The following ECPAS variants were observed in gnomAD, a reference collection of about 807,000 sequenced individuals.
ECPAS encodes the protein Ecm29 proteasome adaptor and scaffold.
A neutral mutation model predicts 255.1 loss-of-function variants in ECPAS; 70 were observed. The observed-to-expected ratio is 0.27, with a 90% CI of 0.23 to 0.33. The LOEUF is 0.33. ECPAS is among the 10% of genes least tolerant of loss of function. ECPAS has a pLI of 1.00. For synonymous variants in ECPAS, 784 were observed against 775.0 expected (o/e 1.01, Z -0.19); for missense variants, 1,817 against 2,206.4 (o/e 0.82, Z 3.54).
In ECPAS at chr9:111,484,142, C is replaced by G. The variant is rs1000991830; in HGVS notation, c.-109G>C. The G allele has an allele frequency of 8.9e-6, 13 of 1,464,096 alleles. No homozygotes were observed. The highest frequency in any genetic ancestry group is 1.2e-5 in the Non-Finnish European group (13 of 1,110,864). The allele number at this position is 1,464,096 out of a possible 1,614,324, so 90.7% of individuals were successfully genotyped here. On this transcript the variant is annotated 5_prime_UTR_variant, in exon 1 of 50. Coordinates refer to ENST00000684092, the MANE Select transcript of ECPAS (RefSeq NM_001364929.1). Reference sequence around the variant, plus strand: ...TGAGTCGGAGCCGGTCTCCATGCCGCGGACGCTGCGCTCGGCGCCGCGAGG... The same window carrying G: ...TGAGTCGGAGCCGGTCTCCATGCCGGGGACGCTGCGCTCGGCGCCGCGAGG...
chr9:111,397,345 TGAA>T (rs1476216878), intron 24 of ECPAS, among the ~76,000 whole-genome samples, 192 bp from the exon 25 acceptor site: 1 of 152,188 alleles, frequency 6.6e-6, no homozygotes, highest in Non-Finnish European at 1.5e-5. Context: ...AAGAATCCCT[TGAA>T]GATATTTTTC....
chr9:111,380,128 C>A (rs1398250500), intron 35 of ECPAS, among the ~76,000 whole-genome samples: 1 of 152,242 alleles, frequency 6.6e-6, no homozygotes, highest in Non-Finnish European at 1.5e-5. Context: ...ACAAAATATA[C>A]TTCTTGAATA....
intron 29 of ECPAS, among the ~76,000 whole-genome samples, chr9:111,391,304 AC>A (rs1165052530): frequency 1.3e-5 from 2 of 152,182 alleles, no homozygotes; most frequent in African/African-American, 2.4e-5. Flanking sequence ...CCTGCCAGGC[AC>A]AGTGGCTCAC....
Position 111,433,357 on chromosome 9 carries a change from C to T in ECPAS, c.724G>A (p.Val242Met), listed in dbSNP as rs1325319496. 5 of 1,613,860 alleles carry T rather than the reference C, an allele frequency of 3.1e-6. No individual in the cohort carries two copies. The highest frequency in any genetic ancestry group is 2.2e-5 in the East Asian group (1 of 44,874). ...ACCTGTTCAGCTTCTATGAATTTCA[C>T]GATTCCCAATTTGCACTGTAGATAA... ...EQLEQCKLGI[V>M]KFIEAEQVPE... The change falls in exon 8 of 50, where the codon GTG becomes ATG. Residue 242 changes from valine (V) to methionine (M), a missense_variant. By Grantham distance (21) the Val-to-Met change is conservative. This residue lies in a region of ECPAS where 573 missense variants were observed against 716.2 expected (regional missense o/e 0.80). Coordinates refer to ENST00000684092, the MANE Select transcript of ECPAS (RefSeq NM_001364929.1).
chr9:111,384,445 T>C, intron 34 of ECPAS, 77 bp downstream of exon 34: 1 of 1,303,650 alleles, frequency 7.7e-7, no homozygotes, highest in Non-Finnish European at 1.1e-6. Context: ...TCTTTTCCTA[T>C]GACAGTAAGT....
intron 36 of ECPAS, among the ~76,000 whole-genome samples, chr9:111,376,911 G>A (rs551246994): frequency 3.3e-5 from 5 of 152,176 alleles, no homozygotes; most frequent in Non-Finnish European, 7.4e-5. Context: ...AATTTTATAC[G>A]TGCAGTTCTT....
chr9:111,429,170 C>T (rs1259583934), intron 9 of ECPAS, among the ~76,000 whole-genome samples: 1 of 151,984 alleles, frequency 6.6e-6, no homozygotes, highest in Non-Finnish European at 1.5e-5. Context: ...ATACCCATCT[C>T]GGTAGCTATA....
intron 21 of ECPAS, 160 bp downstream of exon 21, chr9:111,411,854 C>A: frequency 3.4e-6 from 2 of 595,836 alleles, no homozygotes; most frequent in South Asian, 5.4e-5. Context: ...AGTGAGCTGA[C>A]TGAACCAATG....
At chr9:111,476,376 G>C (rs1325895200) in intron 1 of ECPAS, among the ~76,000 whole-genome samples, 1 of 152,022 alleles carries the variant, frequency 6.6e-6, no homozygotes, top group Non-Finnish European at 1.5e-5. Flanking sequence ...AGAAAAACTA[G>C]CCACATGTCT....
At chr9:111,471,252 G>A (rs1319260180) in intron 2 of ECPAS, among the ~76,000 whole-genome samples, 2 of 152,154 alleles carry the variant, frequency 1.3e-5, no homozygotes, top group African/African-American at 2.4e-5. Flanking sequence ...AAGAATCTAG[G>A]AGAGAAGAAA....
At chr9:111,410,747 G>C (rs2098192760) in intron 22 of ECPAS, among the ~76,000 whole-genome samples, 1 of 151,970 alleles carries the variant, frequency 6.6e-6, no homozygotes, top group South Asian at 2.1e-4. Context: ...TCAAACTCTT[G>C]GACTCAAGTC....
chr9:111,397,067 G>C lies in ECPAS; in HGVS notation c.2739C>G (p.Ala913=), dbSNP rs543257090. 2.8e-5 allele frequency: 45 copies of C among 1,613,946 alleles called. No individual in the cohort carries two copies. In the East Asian group the frequency reaches 9.1e-4, roughly 33 times the overall value. ...TATATTCCTCTTCAGTCATTTGCCA[G>C]GCATCTCGGGCAGCCACAGAACTAG... ...IGTSSVAARD[A]WQMTEEEYTP... The change falls in exon 25 of 50, where the codon GCC becomes GCG. Residue 913 remains alanine (A), a synonymous_variant. Coordinates refer to ENST00000684092, the MANE Select transcript of ECPAS (RefSeq NM_001364929.1).
chr9:111,410,308 A>T, intron 22 of ECPAS, 95 bp from the exon 23 acceptor site: 1 of 1,017,280 alleles, frequency 9.8e-7, no homozygotes, highest in Non-Finnish European at 1.4e-6. Context: ...TTAAGACGGC[A>T]AAATAAAATC....
rs545860799 is a variant in ECPAS, at chr9:111,368,034, C to CAAAAA, written c.5113+996_5113+1000dup. On this transcript the variant is annotated intron_variant, in intron 46 of 49. Coordinates refer to ENST00000684092, the MANE Select transcript of ECPAS (RefSeq NM_001364929.1). ...TGGGCAACAAAGCAAGACCCTGTCTCAAAAAAAAAACAAACAAAAAAAAAA... is the reference window on the plus strand; with the variant it reads ...TGGGCAACAAAGCAAGACCCTGTCTCAAAAAAAAAAAAAAACAAACAAAAAAAAAA... Among the ~76,000 whole-genome samples, 1,716 of 126,434 alleles carry CAAAAA rather than the reference C, an allele frequency of 0.014. 56 individuals carry two copies. In the East Asian group the frequency reaches 0.14, roughly 10 times the overall value. 82.9% of individuals were successfully genotyped at this position (126,434 alleles called of 152,430 possible).
rs763612141 is a variant in ECPAS at position 111,422,198 on chromosome 9, C to T, written c.1268G>A (p.Arg423Gln). ...AYSAVGKLSSRMPHLFTKDIA... is the reference protein window; with the variant it reads ...AYSAVGKLSSQMPHLFTKDIA... ...ATCCTTAGTGAATAAATGTGGCATC[C>T]GACTGCAAAAGAATGTAAAAATATT... Residue 423 changes from arginine to glutamine, a missense_variant and splice_region_variant, in exon 14 of 50, where the codon CGG becomes CAG. Transcript: ENST00000684092. 3.1e-6 allele frequency: 5 copies of T among 1,612,594 alleles called. No homozygotes were observed. The highest frequency in any genetic ancestry group is 4.5e-5 in the East Asian group (2 of 44,838).
rs1479054301 is a variant in ECPAS, at chr9:111,391,773, A to G, written c.3144T>C (p.Leu1048=). Residue 1048 remains leucine, a synonymous_variant, in exon 29 of 50, where the codon CTT becomes CTC. Transcript: ENST00000684092. The part of the protein sequence containing the change: ...GETVVFQGGA[L]GKTPDGQGLS... ...ATACTTACCCATCTGGTGTTTTGCC[A>G]AGAGCTCCCCCTTGAAATACCACTG... 12 of 1,608,168 alleles carry G rather than the reference A, an allele frequency of 7.5e-6. No homozygotes were observed. In the African/African-American group the frequency reaches 1.5e-4, roughly 20 times the overall value.
chr9:111,430,502 A>C (rs1168898996), intron 9 of ECPAS, 45 bp downstream of exon 9: 7 of 1,217,478 alleles, frequency 5.7e-6, no homozygotes. Context: ...TCATGTCAAC[A>C]AACTACTTTT....
At chr9:111,417,057 T>G (rs1399249372) in intron 17 of ECPAS, among the ~76,000 whole-genome samples, 1 of 151,960 alleles carries the variant, frequency 6.6e-6, no homozygotes, top group Non-Finnish European at 1.5e-5. Flanking sequence ...GTGGGCAATA[T>G]AGCAAAACTC....
chr9:111,458,615 G>A (rs2098269668), intron 2 of ECPAS, among the ~76,000 whole-genome samples: 2 of 151,910 alleles, frequency 1.3e-5, no homozygotes, highest in Admixed American at 6.6e-5. Context: ...TAGGGGAGGT[G>A]GACAAGGGGA....
Sources: allele counts gnomAD v4.1 joint callset (sites outside exome capture counted in the v4.1 genomes callset), GRCh38; gene constraint gnomAD v4.1.1; regional missense constraint gnomAD v4.1.1; transcripts MANE v1.5; gene names NCBI Gene and HGNC (gene_info 2026-07-23, HGNC 2026-07-21).